The following PDS5B variants were observed in gnomAD, a reference collection of about 807,000 sequenced individuals.
PDS5B encodes the protein sister chromatid cohesion protein PDS5 homolog B.
A neutral mutation model predicts 184.1 loss-of-function variants in PDS5B; 51 were observed. That is an observed-to-expected ratio of 0.28 (90% confidence interval 0.22 to 0.35). PDS5B has a LOEUF of 0.35. PDS5B is among the 10% of genes least tolerant of loss of function. The pLI is 1.00. For synonymous variants in PDS5B, 566 were observed against 569.2 expected (o/e 0.99, Z 0.08); for missense variants, 1,180 against 1,723.3 (o/e 0.68, Z 5.58).
Position 32,597,843 on chromosome 13 carries a change from C to CA in PDS5B, c.-20+11264dup, listed in dbSNP as rs779825923. Among the ~76,000 whole-genome samples the CA allele has an allele frequency of 5.5e-3, 459 of 83,886 alleles. 2 individuals carry two copies. The highest frequency in any genetic ancestry group is 0.032 in the Middle Eastern group (4 of 126). The allele number at this position is 83,886 out of a possible 152,430, so 55.0% of individuals were successfully genotyped here. On this transcript the variant is annotated intron_variant, in intron 1 of 34. Coordinates refer to ENST00000315596, the MANE Select transcript of PDS5B (RefSeq NM_015032.4). Reference sequence around the variant, plus strand: ...GCCTGGCGACAGCGAGACTCTGTCTCAAAAAAAAAAAAAAGAAAATTAATT... The same window carrying CA: ...GCCTGGCGACAGCGAGACTCTGTCTCAAAAAAAAAAAAAAAGAAAATTAATT...
At chr13:32,622,355 G>A (rs1307563969) in intron 1 of PDS5B, among the ~76,000 whole-genome samples, 1 of 151,988 alleles carries the variant, frequency 6.6e-6, no homozygotes, top group Non-Finnish European at 1.5e-5. Flanking sequence ...ATATGGAAAT[G>A]ACTTTCTTTT....
intron 1 of PDS5B, among the ~76,000 whole-genome samples, chr13:32,628,530 A>G (rs2140562087): frequency 6.6e-6 from 1 of 150,972 alleles, no homozygotes; most frequent in South Asian, 2.1e-4. Context: ...TCTGGGCGAC[A>G]CAGAGAGACT....
intron 1 of PDS5B, among the ~76,000 whole-genome samples, chr13:32,598,055 T>A (rs1294859985): frequency 1.3e-5 from 2 of 152,068 alleles, no homozygotes; most frequent in African/African-American, 4.8e-5. Flanking sequence ...TCCAGTTTAC[T>A]GGGATTTTAA....
chr13:32,676,683 G>C (rs1259490493), intron 9 of PDS5B, among the ~76,000 whole-genome samples: 1 of 152,140 alleles, frequency 6.6e-6, no homozygotes, highest in Non-Finnish European at 1.5e-5. Flanking sequence ...TGTAATCCTA[G>C]CACTTTGGGA....
At position 32,678,908 on chromosome 13, in the gene PDS5B, G is replaced by C. The variant is rs1951150104; in HGVS notation, c.1036G>C (p.Asp346His). The C allele has an allele frequency of 6.3e-7, 1 of 1,596,780 alleles. No homozygotes were observed. The highest frequency in any genetic ancestry group is 8.6e-7 in the Non-Finnish European group (1 of 1,164,602). The change falls in exon 10 of 35, where the codon GAT becomes CAT. Residue 346 changes from aspartate to histidine, a missense_variant. Physicochemically the swap from Asp to His is moderately conservative, Grantham distance 81. Transcript: ENST00000315596. The part of the protein sequence containing the change: ...FASHCLMNHP[D>H]LAKDLTEYLK... ...TAGCCATTGTCTCATGAACCATCCT[G>C]ATTTAGCAAAAGACTTAACAGGTAC...
chr13:32,730,505 G>A (rs1049445165), intron 19 of PDS5B, among the ~76,000 whole-genome samples: 2 of 152,116 alleles, frequency 1.3e-5, no homozygotes, highest in African/African-American at 4.8e-5. Flanking sequence ...GGCTTGATGG[G>A]AATAGCATTG....
At chr13:32,708,203 G>A (rs570555781) in intron 18 of PDS5B, among the ~76,000 whole-genome samples, 2 of 152,166 alleles carry the variant, frequency 1.3e-5, no homozygotes, top group East Asian at 3.9e-4. Context: ...AGCAGTCATA[G>A]AGGTGTATGT....
At chr13:32,750,528 C>G (rs1357934435) in intron 24 of PDS5B, among the ~76,000 whole-genome samples, 2 of 151,986 alleles carry the variant, frequency 1.3e-5, no homozygotes, top group Admixed American at 6.6e-5. Flanking sequence ...TTCCCCTTCC[C>G]TCCCTACAGC....
At chr13:32,766,926 TAAG>T (rs1464113812) in intron 31 of PDS5B, among the ~76,000 whole-genome samples, 3 of 152,162 alleles carry the variant, frequency 2.0e-5, no homozygotes, top group Admixed American at 2.0e-4. Flanking sequence ...GTAATTAAAA[TAAG>T]AAGTGACATT....
intron 1 of PDS5B, among the ~76,000 whole-genome samples, chr13:32,592,774 T>TG (rs972944856): frequency 2.0e-5 from 3 of 152,130 alleles, no homozygotes; most frequent in Non-Finnish European, 4.4e-5. Context: ...GCTTGATAAG[T>TG]GGGGTCCCTT....
intron 3 of PDS5B, among the ~76,000 whole-genome samples, chr13:32,655,303 T>G (rs1030685983): frequency 2.0e-5 from 3 of 147,306 alleles, no homozygotes; most frequent in Non-Finnish European, 4.5e-5. Context: ...TTTTTTCATA[T>G]GCATGTTGGC....
chr13:32,757,317 C>G (rs2141007611), intron 26 of PDS5B, among the ~76,000 whole-genome samples: 1 of 152,248 alleles, frequency 6.6e-6, no homozygotes, highest in East Asian at 1.9e-4. Flanking sequence ...TGCATAATCT[C>G]CATTCTATCA....
At chr13:32,632,387 A>G (rs1182334573) in intron 1 of PDS5B, among the ~76,000 whole-genome samples, 3 of 152,226 alleles carry the variant, frequency 2.0e-5, no homozygotes, top group African/African-American at 7.2e-5. Flanking sequence ...AAGATACACA[A>G]ATAGACCTGT....
intron 30 of PDS5B, among the ~76,000 whole-genome samples, chr13:32,762,972 C>T (rs1340157297): frequency 6.6e-6 from 1 of 152,184 alleles, no homozygotes; most frequent in Non-Finnish European, 1.5e-5. Context: ...TGTTATTCAA[C>T]ACAAAAGTAT....
intron 8 of PDS5B, 149 bp downstream of exon 8, chr13:32,673,505 CTGTT>C (rs1219212604): frequency 5.9e-6 from 4 of 680,054 alleles, no homozygotes; most frequent in Non-Finnish European, 7.1e-6. Context: ...TGTGCCGTGT[CTGTT>C]TGTGAATCTT....
intron 1 of PDS5B, among the ~76,000 whole-genome samples, chr13:32,639,206 A>G (rs1040577292): frequency 1.1e-4 from 16 of 152,196 alleles, no homozygotes; most frequent in Admixed American, 8.5e-4. Context: ...GAGATATTCC[A>G]GGGCCTGGGG....
At chr13:32,671,009 T>A (rs1950921797) in intron 7 of PDS5B, among the ~76,000 whole-genome samples, 1 of 152,250 alleles carries the variant, frequency 6.6e-6, no homozygotes, top group African/African-American at 2.4e-5. Flanking sequence ...TACGCTTTTG[T>A]AAATGAAAGA....
At chr13:32,607,575 T>G (rs1340675178) in intron 1 of PDS5B, among the ~76,000 whole-genome samples, 1 of 152,198 alleles carries the variant, frequency 6.6e-6, no homozygotes, top group East Asian at 1.9e-4. Flanking sequence ...GAACCACTAC[T>G]CTCTTCAAAG....
At chr13:32,618,139 G>A (rs1482771943) in intron 1 of PDS5B, among the ~76,000 whole-genome samples, 6 of 152,116 alleles carry the variant, frequency 3.9e-5, no homozygotes, top group Admixed American at 2.6e-4. Context: ...GAGCCCTCGT[G>A]GCCTAAGCAC....
Sources: gnomAD v4.1 joint callset for allele counts (sites outside exome capture counted in the v4.1 genomes callset) on GRCh38, gnomAD v4.1.1 for gene constraint, MANE v1.5 for transcripts, NCBI Gene and HGNC (gene_info 2026-07-23, HGNC 2026-07-21) for gene names.